Variants in PDCD6IP observed in about 807,000 individuals in gnomAD.
The protein encoded by PDCD6IP is programmed cell death 6-interacting protein.
PDCD6IP carries 43 observed loss-of-function variants against 103.7 expected under a neutral mutation model. The observed-to-expected ratio is 0.41, with a 90% CI of 0.32 to 0.53. The LOEUF is 0.53. Ranked by LOEUF, PDCD6IP falls within the 20% of genes least tolerant of loss-of-function variation. The pLI is 0.16. For missense variants in PDCD6IP, 871 were observed against 1,036.7 expected, an observed-to-expected ratio of 0.84 and a Z score of 2.20; for synonymous variants, 354 against 378.7, an observed-to-expected ratio of 0.93 and a Z score of 0.76.
chr3:33,855,506 G>A (rs1405970361), intron 15 of PDCD6IP, among the ~76,000 whole-genome samples: 1 of 152,202 alleles, frequency 6.6e-6, no homozygotes, highest in Admixed American at 6.5e-5. Flanking sequence ...GATAAAAACA[G>A]TTCAGGTGGC....
In PDCD6IP at chr3:33,798,859, A is replaced by T; in HGVS notation, c.131A>T (p.Glu44Val). ...CAGGCCCAGTACTGCCGCGCGGCGG[A>T]GGAGCTCAGCAAGCTGCGCCGCGCC... ...EEQAQYCRAA[E>V]ELSKLRRAAV... Residue 44 changes from glutamate to valine, a missense_variant, in exon 1 of 18, where the codon GAG (glutamate) becomes GTG (valine). Glu to Val is a moderately radical substitution (Grantham distance 121). Around this residue, in one of 5 missense-constraint regions of PDCD6IP, gnomAD observed 114 missense variants for 106.7 expected, o/e 1.07. Coordinates refer to ENST00000307296, the MANE Select transcript of PDCD6IP (RefSeq NM_013374.6). The T allele has an allele frequency of 1.3e-6, 2 of 1,552,600 alleles. No homozygotes were observed. The highest frequency in any genetic ancestry group is 1.7e-6 in the Non-Finnish European group (2 of 1,147,776).
At chr3:33,839,474 CCA>C (rs1200350563) in intron 9 of PDCD6IP, among the ~76,000 whole-genome samples, 1 of 76,770 alleles carries the variant, frequency 1.3e-5, no homozygotes, top group African/African-American at 4.9e-5. Context: ...GGGCAGTATT[CCA>C]TTTTATGGTT....
chr3:33,839,040 C>A (rs769666175), intron 9 of PDCD6IP, among the ~76,000 whole-genome samples: 8 of 152,122 alleles, frequency 5.3e-5, no homozygotes, highest in Non-Finnish European at 1.2e-4. Context: ...CTCCTGGGCT[C>A]AAGCGATCCT....
intron 1 of PDCD6IP, among the ~76,000 whole-genome samples, chr3:33,804,169 G>A (rs1696540130): frequency 6.6e-6 from 1 of 152,132 alleles, no homozygotes; most frequent in Admixed American, 6.5e-5. Context: ...GGTTTTATTG[G>A]GTGAAAAGGA....
intron 9 of PDCD6IP, among the ~76,000 whole-genome samples, 167 bp downstream of exon 9, chr3:33,838,494 T>C (rs1697400903): frequency 6.6e-6 from 1 of 152,168 alleles, no homozygotes; most frequent in African/African-American, 2.4e-5. Context: ...TATGAAGCTC[T>C]AGCAAATATA....
chr3:33,804,027 G>C (rs1409681468), intron 1 of PDCD6IP, among the ~76,000 whole-genome samples: 1 of 152,114 alleles, frequency 6.6e-6, no homozygotes, highest in Admixed American at 6.5e-5. Context: ...AAAATGTTCT[G>C]TTTTACTTCA....
In PDCD6IP at chr3:33,798,751, A is replaced by C. The variant is rs1048016998; in HGVS notation, c.23A>C (p.Gln8Pro). The C allele has an allele frequency of 6.4e-7, 1 of 1,571,208 alleles. No individual in the cohort carries two copies. The highest frequency in any genetic ancestry group is 1.8e-5 in the Admixed American group (1 of 54,102). The change falls in exon 1 of 18, where the codon CAG becomes CCG. Residue 8 changes from glutamine to proline, a missense_variant. Gln to Pro is a moderately conservative substitution (Grantham distance 76). Transcript: ENST00000307296. MATFISV[Q>P]LKKTSEVDLA... ...ATCATGGCGACATTCATCTCGGTGCAGCTGAAAAAGACCTCAGAGGTGGAC... is the reference window on the plus strand; with the variant it reads ...ATCATGGCGACATTCATCTCGGTGCCGCTGAAAAAGACCTCAGAGGTGGAC...
intron 1 of PDCD6IP, among the ~76,000 whole-genome samples, chr3:33,803,307 T>A (rs1367708394): frequency 6.6e-6 from 1 of 152,202 alleles, no homozygotes; most frequent in East Asian, 1.9e-4. Flanking sequence ...TGCTAATACG[T>A]ACTGATTAAT....
chr3:33,818,327 C>T (rs1167680584), intron 3 of PDCD6IP, among the ~76,000 whole-genome samples: 11 of 149,982 alleles, frequency 7.3e-5, no homozygotes, highest in South Asian at 2.1e-4. Context: ...AGGCTGGTCT[C>T]GAACTCCTGA....
rs190823385 is a variant in PDCD6IP at position 33,840,393 on chromosome 3, G to A, written c.1182-1504G>A. 6.2e-3 allele frequency among the ~76,000 whole-genome samples: 937 copies of A among 152,308 alleles called. 11 individuals are homozygous for A. Among genetic ancestry groups the A allele is most frequent in the South Asian group, 0.035 (167 of 4,818 alleles). ...GGTGGCAGAGGTGAAAGAGGTGAAA[G>A]TCCACAGGTACACGGACTCATGTAG... On this transcript the variant is annotated intron_variant, in intron 9 of 17. Transcript: ENST00000307296.
rs1698099338 is a variant in PDCD6IP at position 33,867,814 on chromosome 3, A to G, written c.*1289A>G. The G allele has an allele frequency of 1.3e-5, 2 of 152,222 alleles. No homozygotes were observed. Among genetic ancestry groups the G allele is most frequent in the East Asian group, 1.9e-4 (1 of 5,188 alleles). 9.4% of individuals were successfully genotyped at this position (152,222 alleles called of 1,614,324 possible). On this transcript the variant is annotated 3_prime_UTR_variant, in exon 18 of 18. Transcript: ENST00000307296. ...ATATGAGCAGATTTCCAGTGAATCT[A>G]TTTATGTTTATTTTCTGAGTTTCAA...
In PDCD6IP at chr3:33,844,140, C is replaced by A; in HGVS notation, c.1388C>A (p.Ala463Glu). 1.2e-6 allele frequency: 2 copies of A among 1,607,106 alleles called. No homozygotes were observed. The highest frequency in any genetic ancestry group is 1.7e-6 in the Non-Finnish European group (2 of 1,177,982). The change falls in exon 11 of 18, where the codon GCA (alanine) becomes GAA (glutamate). Residue 463 changes from alanine (A) to glutamate (E), a missense_variant. Around this residue, in one of 5 missense-constraint regions of PDCD6IP, gnomAD observed 266 missense variants for 390.5 expected, o/e 0.68. Transcript: ENST00000307296. ...ESLRLLDEEE[A>E]TDNDLRAKFK... ...TTAAGGTTGTTGGATGAAGAAGAAG[C>A]AACCGATAATGATTTAAGAGCAAAA...
chr3:33,850,257 G>T (rs1416835948), intron 12 of PDCD6IP, among the ~76,000 whole-genome samples: 1 of 152,134 alleles, frequency 6.6e-6, no homozygotes. Context: ...AGTATAGTCA[G>T]AGTTGAAGTG....
chr3:33,814,949 C>T (rs9867305), intron 3 of PDCD6IP, among the ~76,000 whole-genome samples: 42,488 of 145,422 alleles, frequency 0.29, 6,388 homozygotes, highest in East Asian at 0.41. Flanking sequence ...TATACACATG[C>T]ATTATATATA....
intron 3 of PDCD6IP, among the ~76,000 whole-genome samples, chr3:33,814,879 C>T (rs1042442556): frequency 2.8e-5 from 4 of 144,056 alleles, no homozygotes; most frequent in African/African-American, 1.0e-4. Flanking sequence ...TACATATATA[C>T]ATATATATTC....
rs1435872919 is a variant in PDCD6IP, at chr3:33,825,318, A to T, written c.594A>T (p.Val198=). Residue 198 remains valine (V), a synonymous_variant, in exon 5 of 18, where the codon GTA becomes GTT. Coordinates refer to ENST00000307296, the MANE Select transcript of PDCD6IP (RefSeq NM_013374.6). ...SLIMLAQAQE[V]FFLKATRDKM... ...TTATGCTGGCACAGGCTCAAGAAGT[A>T]TTTTTTTTAAAAGCCACAAGAGGTA... 2.5e-6 allele frequency: 4 copies of T among 1,600,128 alleles called. No homozygotes were observed. The highest frequency in any genetic ancestry group is 4.5e-5 in the East Asian group (2 of 44,766).
At chr3:33,808,002 G>T (rs1417087853) in intron 1 of PDCD6IP, among the ~76,000 whole-genome samples, 2 of 152,132 alleles carry the variant, frequency 1.3e-5, no homozygotes, top group African/African-American at 4.8e-5. Flanking sequence ...GATAGCTCCT[G>T]TTCATTCACA....
At chr3:33,826,708 A>G in intron 6 of PDCD6IP, 128 bp downstream of exon 6, 2 of 1,372,000 alleles carry the variant, frequency 1.5e-6, no homozygotes, top group Non-Finnish European at 9.6e-7. Flanking sequence ...TGAAGTATAT[A>G]GTAGAAATAG....
rs1696388363 is a variant in PDCD6IP, at chr3:33,798,672, G to C, written c.-57G>C. On this transcript the variant is annotated 5_prime_UTR_variant, in exon 1 of 18. Transcript: ENST00000307296. Reference sequence around the variant, plus strand: ...GCCAGCCCAGTACCTCTCTCTCCTCGGCCCTCGTAAGCTGTCCGCGGTCTG... The same window carrying C: ...GCCAGCCCAGTACCTCTCTCTCCTCCGCCCTCGTAAGCTGTCCGCGGTCTG... 3 of 1,430,262 alleles carry C rather than the reference G, an allele frequency of 2.1e-6. 1 individual carries two copies. Among genetic ancestry groups the C allele is most frequent in the South Asian group, 2.7e-5 (2 of 72,952 alleles). The allele number at this position is 1,430,262 out of a possible 1,614,324, so 88.6% of individuals were successfully genotyped here. A position where few individuals can be genotyped will look rare whatever the true frequency, so the allele number is the denominator to read the frequency against.
Sources: gnomAD v4.1 joint callset for allele counts (sites outside exome capture counted in the v4.1 genomes callset) on GRCh38, gnomAD v4.1.1 for gene constraint, gnomAD v4.1.1 regional missense constraint, MANE v1.5 for transcripts, NCBI Gene and HGNC (gene_info 2026-07-23, HGNC 2026-07-21) for gene names.